The following KHDRBS1 variants were observed in gnomAD, a reference collection of about 807,000 sequenced individuals.
KHDRBS1 encodes KH domain-containing, RNA-binding, signal transduction-associated protein 1.
In KHDRBS1, 7 loss-of-function variants were observed where a neutral mutation model predicts 48.4. That is an observed-to-expected ratio of 0.14 (90% CI 0.08 to 0.27). The LOEUF is 0.27. Among genes scored for constraint, KHDRBS1 ranks in the 10% least tolerant of loss-of-function variants. The probability of loss-of-function intolerance (pLI) is 1.00; values close to 1 mark genes in which losing one functional copy is unlikely to be tolerated. For missense variants in KHDRBS1, 458 were observed against 601.2 expected (o/e 0.76, Z 2.49); for synonymous variants, 241 against 235.8 (o/e 1.02, Z -0.20).
intron 1 of KHDRBS1, among the ~76,000 whole-genome samples, chr1:32,021,353 G>A (rs545814743): frequency 1.6e-4 from 24 of 151,626 alleles, no homozygotes; most frequent in African/African-American, 5.6e-4. Flanking sequence ...ATTTTTTTCT[G>A]GGTTGCTAAT....
intron 1 of KHDRBS1, among the ~76,000 whole-genome samples, chr1:32,021,887 G>A (rs770109769): frequency 2.6e-5 from 4 of 151,972 alleles, no homozygotes; most frequent in African/African-American, 7.2e-5. Flanking sequence ...CTGACCTCAG[G>A]TTATCTGCCT....
chr1:32,054,407 G>A (rs1639456960), intron 10 of KHDRBS1: 1 of 152,114 alleles, frequency 6.6e-6, no homozygotes, highest in African/African-American at 2.4e-5. Context: ...GCCTTTTTCA[G>A]AAAGGAGACT....
chr1:32,044,617 T>TA (rs993551497), downstream of KHDRBS1, among the ~76,000 whole-genome samples: 3 of 152,186 alleles, frequency 2.0e-5, no homozygotes, highest in African/African-American at 7.2e-5. Context: ...TTTTTCTTTT[T>TA]AAAACACACC....
In KHDRBS1 at chr1:32,014,322, C is replaced by A. The variant is rs147960609; in HGVS notation, c.327C>A (p.Ala109=). 5 of 1,554,816 alleles carry A rather than the reference C, an allele frequency of 3.2e-6. No homozygotes were observed. In the African/African-American group the frequency reaches 6.9e-5, roughly 21 times the overall value. The change falls in exon 1 of 9, where the codon GCC becomes GCA. Residue 109 remains alanine (A), a synonymous_variant. Coordinates refer to ENST00000327300, the MANE Select transcript of KHDRBS1 (RefSeq NM_006559.3). ...PENKYLPELM[A]EKDSLDPSFT... ...ACAAGTACCTGCCCGAACTCATGGC[C>A]GAGAAGGACTCGCTCGACCCGTCCT...
At chr1:32,050,836 G>C (rs951040011) in intron 10 of KHDRBS1, among the ~76,000 whole-genome samples, 1 of 151,924 alleles carries the variant, frequency 6.6e-6, no homozygotes, top group Non-Finnish European at 1.5e-5. Flanking sequence ...CTTGCATTTA[G>C]GTCTATGATT....
chr1:32,026,517 G>A (rs1638973321), intron 1 of KHDRBS1, among the ~76,000 whole-genome samples: 1 of 152,128 alleles, frequency 6.6e-6, no homozygotes, highest in Non-Finnish European at 1.5e-5. Context: ...GATCTGAGTA[G>A]TTCAAAAATA....
At chr1:32,027,631 C>T (rs1462001510) in intron 1 of KHDRBS1, among the ~76,000 whole-genome samples, 2 of 152,162 alleles carry the variant, frequency 1.3e-5, no homozygotes, top group Non-Finnish European at 2.9e-5. Flanking sequence ...AATTCATCAG[C>T]AATTTTAATT....
At chr1:32,014,693 A>G (rs753595434) in intron 1 of KHDRBS1, among the ~76,000 whole-genome samples, 64 of 152,266 alleles carry the variant, frequency 4.2e-4, no homozygotes, top group Middle Eastern at 6.8e-3. Flanking sequence ...GGGCGCGCAG[A>G]TTCTTCCAGA....
At chr1:32,052,924 G>A (rs1639440122) in intron 10 of KHDRBS1, among the ~76,000 whole-genome samples, 2 of 152,118 alleles carry the variant, frequency 1.3e-5, no homozygotes, top group South Asian at 4.1e-4. Context: ...CAAGGCAGGA[G>A]TATCGCTAGA....
At chr1:32,023,671 C>T (rs912101660) in intron 1 of KHDRBS1, among the ~76,000 whole-genome samples, 3 of 152,162 alleles carry the variant, frequency 2.0e-5, no homozygotes, top group Admixed American at 6.5e-5. Flanking sequence ...TTAGGAAGCT[C>T]CTCCTTGATT....
chr1:32,018,684 G>A (rs922084548), intron 1 of KHDRBS1, among the ~76,000 whole-genome samples: 2 of 151,972 alleles, frequency 1.3e-5, no homozygotes, highest in Non-Finnish European at 2.9e-5. Flanking sequence ...GTGAACCCGG[G>A]AGGCGGAGTT....
chr1:32,050,305 T>G (rs1223239315), intron 10 of KHDRBS1, among the ~76,000 whole-genome samples: 1 of 152,226 alleles, frequency 6.6e-6, no homozygotes, highest in African/African-American at 2.4e-5. Context: ...TCTTGTCAGA[T>G]GTATGATTTG....
chr1:32,031,526 C>G lies in KHDRBS1; in HGVS notation c.510C>G (p.Phe170Leu). 6.3e-7 allele frequency: 1 copy of G among 1,579,896 alleles called. No individual in the cohort carries two copies. The highest frequency in any genetic ancestry group is 8.6e-7 in the Non-Finnish European group (1 of 1,162,596). ...AGAAATCCTCTATTTTCTGTCAGTT[C>G]AATTTTGTGGGGAAGATTCTTGGAC... is the stretch of plus-strand genomic sequence containing the variant. Reference protein sequence around the residue: ...VLIPVKQYPKFNFVGKILGPQ... With the variant: ...VLIPVKQYPKLNFVGKILGPQ... Residue 170 changes from phenylalanine (F) to leucine (L), a missense_variant and splice_region_variant, in exon 3 of 9, where the codon TTC becomes TTG. Physicochemically the swap from Phe to Leu is conservative, Grantham distance 22. Coordinates refer to ENST00000327300, the MANE Select transcript of KHDRBS1 (RefSeq NM_006559.3).
At position 32,013,870 on chromosome 1, in the gene KHDRBS1, C is replaced by A; in HGVS notation, c.-126C>A. 1 of 929,964 alleles carries A rather than the reference C, an allele frequency of 1.1e-6. No individual in the cohort carries two copies. The highest frequency in any genetic ancestry group is 1.4e-6 in the Non-Finnish European group (1 of 693,368). 57.6% of individuals were successfully genotyped at this position (929,964 alleles called of 1,614,324 possible). A position where few individuals can be genotyped will look rare whatever the true frequency, so the allele number is the denominator to read the frequency against. ...CGCCGCCTCATTTCCGGTGCTCTCT[C>A]TCGCTGGGTCGCTCGGGTCGGCTTC... On this transcript the variant is annotated 5_prime_UTR_variant, in exon 1 of 9. Coordinates refer to ENST00000327300, the MANE Select transcript of KHDRBS1 (RefSeq NM_006559.3).
intron 1 of KHDRBS1, among the ~76,000 whole-genome samples, chr1:32,017,002 A>G (rs1638754412): frequency 6.6e-6 from 1 of 152,190 alleles, no homozygotes; most frequent in South Asian, 2.1e-4. Flanking sequence ...TCACACCTAT[A>G]ATCCCAACAC....
chr1:32,054,702 A>G (rs965554847), intron 10 of KHDRBS1, among the ~76,000 whole-genome samples: 20 of 152,296 alleles, frequency 1.3e-4, no homozygotes, highest in African/African-American at 4.3e-4. Context: ...TGTCCAGCCT[A>G]TGGCCCGGGA....
At chr1:32,045,307 G>C (rs533089322), downstream of KHDRBS1, 4 of 152,704 alleles carry the variant, frequency 2.6e-5, no homozygotes, top group Admixed American at 2.6e-4. Flanking sequence ...TCAAAAGACT[G>C]ATCTGTTATT....
At chr1:32,025,352 G>C (rs1361927991) in intron 1 of KHDRBS1, among the ~76,000 whole-genome samples, 2 of 132,656 alleles carry the variant, frequency 1.5e-5, no homozygotes, top group African/African-American at 5.9e-5. Flanking sequence ...CCAGGCTAGA[G>C]TGCAGTGGCA....
chr1:32,053,537 T>C (rs1639447222), intron 10 of KHDRBS1, among the ~76,000 whole-genome samples: 1 of 152,130 alleles, frequency 6.6e-6, no homozygotes, highest in African/African-American at 2.4e-5. Context: ...ACTACAGGCA[T>C]GGGCCACCAT....
Sources: allele counts gnomAD v4.1 joint callset (sites outside exome capture counted in the v4.1 genomes callset), GRCh38; gene constraint gnomAD v4.1.1; transcripts MANE v1.5; gene names NCBI Gene and HGNC (gene_info 2026-07-23, HGNC 2026-07-21).